The following CROCC2 variants were observed in gnomAD, a reference collection of about 807,000 sequenced individuals.
The protein encoded by CROCC2 is ciliary rootlet coiled-coil protein 2.
Under a neutral mutation model 177.6 loss-of-function variants are expected in CROCC2, and 163 were observed. The observed-to-expected ratio is 0.92, with a 90% CI of 0.81 to 1.05. CROCC2 has a LOEUF of 1.05. CROCC2 is among the 50% of genes least tolerant of loss of function. The pLI, the probability that CROCC2 is intolerant of heterozygous loss-of-function variation, is 0.00. For synonymous variants in CROCC2, 904 were observed against 787.3 expected (o/e 1.15, Z -2.48); for missense variants, 1,929 against 1,797.8 (o/e 1.07, Z -1.32).
intron 20 of CROCC2, among the ~76,000 whole-genome samples, chr2:240,962,999 C>T (rs1170231908): frequency 6.6e-5 from 10 of 152,302 alleles, no homozygotes; most frequent in East Asian, 5.8e-4. Context: ...CCCATGCCAA[C>T]GGGGGAAGGA....
intron 15 of CROCC2, among the ~76,000 whole-genome samples, chr2:240,946,985 A>G (rs2059528135): frequency 6.6e-6 from 1 of 152,260 alleles, no homozygotes. Flanking sequence ...AGGCAAGAAC[A>G]GGATGTGTGT....
intron 27 of CROCC2, 126 bp downstream of exon 27, chr2:240,968,388 G>T: frequency 7.9e-7 from 1 of 1,261,688 alleles, no homozygotes; most frequent in Non-Finnish European, 1.1e-6. Context: ...GGGCTTCTGT[G>T]GGTGTTCGGG....
intron 28 of CROCC2, among the ~76,000 whole-genome samples, chr2:240,985,613 GACAC>G (rs1238284230): frequency 1.5e-4 from 7 of 46,440 alleles, no homozygotes; most frequent in African/African-American, 1.9e-4. Flanking sequence ...CACACACCCA[GACAC>G]TCACTCCACA....
chr2:240,939,124 T>A (rs1386054764), intron 14 of CROCC2, among the ~76,000 whole-genome samples: 2 of 152,134 alleles, frequency 1.3e-5, no homozygotes, highest in Non-Finnish European at 1.5e-5. Flanking sequence ...TTAAATATGA[T>A]GTTATCTGTA....
intron 28 of CROCC2, chr2:240,986,069 C>T: frequency 2.4e-6 from 1 of 413,522 alleles, no homozygotes; most frequent in Non-Finnish European, 5.0e-6. Flanking sequence ...CAGGGCTGGA[C>T]ACTGCCCTTT....
chr2:240,986,794 C>T (rs377668386), intron 28 of CROCC2, among the ~76,000 whole-genome samples: 1 of 152,210 alleles, frequency 6.6e-6, no homozygotes, highest in South Asian at 2.1e-4. Context: ...GCTGCACCAG[C>T]TGTGGGCCCA....
chr2:240,987,018 C>T (rs1171768106), intron 28 of CROCC2, among the ~76,000 whole-genome samples: 1 of 152,258 alleles, frequency 6.6e-6, no homozygotes, highest in Non-Finnish European at 1.5e-5. Context: ...CACCAGCCAG[C>T]TTGTCCACAA....
At chr2:240,922,460 C>T in intron 3 of CROCC2, 79 bp from the exon 4 acceptor site, 1 of 622,504 alleles carries the variant, frequency 1.6e-6, no homozygotes, top group Middle Eastern at 3.4e-4. Context: ...CTAAGGTCGG[C>T]TTTGTGCCCA....
chr2:240,946,389 G>A, intron 15 of CROCC2, 136 bp downstream of exon 15: 6 of 899,486 alleles, frequency 6.7e-6, no homozygotes, highest in Non-Finnish European at 9.6e-6. Flanking sequence ...AATGGGCTGT[G>A]AGTGGAGGCG....
At chr2:240,909,721 C>T (rs2059275614) in intron 1 of CROCC2, among the ~76,000 whole-genome samples, 1 of 152,182 alleles carries the variant, frequency 6.6e-6, no homozygotes, top group Non-Finnish European at 1.5e-5. Context: ...ACGCAGGCCC[C>T]AGTGAAGTCT....
At chr2:240,963,511 G>A in intron 20 of CROCC2, 45 bp from the exon 21 acceptor site, 1 of 1,467,824 alleles carries the variant, frequency 6.8e-7, no homozygotes, top group Non-Finnish European at 9.1e-7. Context: ...TATCCCTGGA[G>A]CAGTGGTCCC....
intron 4 of CROCC2, among the ~76,000 whole-genome samples, chr2:240,924,565 A>C (rs1240194704): frequency 1.1e-3 from 1 of 910 alleles, no homozygotes; most frequent in Non-Finnish European, 1.6e-3. Flanking sequence ...ACACTAACCC[A>C]GCCCCCCACA....
intron 19 of CROCC2, among the ~76,000 whole-genome samples, chr2:240,956,867 C>T (rs1188689295): frequency 2.6e-5 from 4 of 152,010 alleles, no homozygotes; most frequent in Admixed American, 6.5e-5. Context: ...GGGCTCACAG[C>T]GAGGGTGGCC....
At chr2:240,966,084 G>A in intron 24 of CROCC2, 91 bp downstream of exon 24, 1 of 1,280,344 alleles carries the variant, frequency 7.8e-7, no homozygotes, top group Non-Finnish European at 9.8e-7. Flanking sequence ...CTCACACAGT[G>A]AGGGACTCGG....
intron 15 of CROCC2, among the ~76,000 whole-genome samples, chr2:240,947,307 G>A (rs375469715): frequency 1.6e-4 from 24 of 152,334 alleles, no homozygotes; most frequent in African/African-American, 4.3e-4. Flanking sequence ...TCCAAGGACC[G>A]GGGTGGAGGT....
intron 20 of CROCC2, chr2:240,963,178 C>G: frequency 4.4e-6 from 1 of 225,840 alleles, no homozygotes; most frequent in Non-Finnish European, 8.8e-6. Context: ...GAGGACTAGA[C>G]GCCGGGGGCA....
At position 240,963,696 on chromosome 2, in the gene CROCC2, C is replaced by T; in HGVS notation, c.3228C>T (p.Ala1076=). Residue 1076 remains alanine (A), a synonymous_variant, in exon 21 of 32, where the codon GCC becomes GCT. Coordinates refer to ENST00000690015, the MANE Select transcript of CROCC2 (RefSeq NM_001351305.2). ...CCCGCCGGGCGCTGAGTGACGAGGC[C>T]CGCGAGAAGGACGTACTGTTGCTTT... ...QEARRALSDE[A]REKDVLLLFN... 6.5e-7 allele frequency: 1 copy of T among 1,550,268 alleles called. No individual in the cohort carries two copies. Among genetic ancestry groups the T allele is most frequent in the East Asian group, 2.4e-5 (1 of 40,898 alleles).
rs926617884 is a variant in CROCC2, at chr2:240,963,897, G to C, written c.3305+124G>C. 4.8e-6 allele frequency: 5 copies of C among 1,047,132 alleles called. No homozygotes were observed. In the African/African-American group the frequency reaches 7.9e-5, roughly 17 times the overall value. 64.9% of individuals were successfully genotyped at this position (1,047,132 alleles called of 1,614,324 possible). A position where few individuals can be genotyped will look rare whatever the true frequency, so the allele number is the denominator to read the frequency against. The stretch of plus-strand genomic sequence containing the variant: ...TGTTGACTTGGGCCCCACTGATGGT[G>C]GGGTAGACATGCCAAGCAGGCCTCC... On this transcript the variant is annotated intron_variant, in intron 21 of 31. Transcript: ENST00000690015.
chr2:240,948,305 G>C lies in CROCC2; in HGVS notation c.2364-674G>C, dbSNP rs549240110. On this transcript the variant is annotated intron_variant, in intron 15 of 31. Coordinates refer to ENST00000690015, the MANE Select transcript of CROCC2 (RefSeq NM_001351305.2). ...CTTGGATGTGCTCTACCCCGATGAA[G>C]GGGGTGGCGGTGGCCAGAAAGATGG... 2.6e-5 allele frequency among the ~76,000 whole-genome samples: 4 copies of C among 152,280 alleles called. No homozygotes were observed. The South Asian group carries it at 8.3e-4, about 32-fold the overall frequency.
Sources: gnomAD v4.1 joint callset for allele counts (sites outside exome capture counted in the v4.1 genomes callset) on GRCh38, gnomAD v4.1.1 for gene constraint, MANE v1.5 for transcripts, NCBI Gene and HGNC (gene_info 2026-07-23, HGNC 2026-07-21) for gene names.